The following ETNPPL variants were observed in gnomAD, a reference collection of about 807,000 sequenced individuals.
ETNPPL encodes the protein alanine--glyoxylate aminotransferase 2-like 1.
In ETNPPL, 30 loss-of-function variants were observed where a neutral mutation model predicts 55.5. That is an observed-to-expected ratio of 0.54 (90% CI 0.40 to 0.73). ETNPPL has a LOEUF of 0.73. ETNPPL is among the 30% of genes least tolerant of loss of function. ETNPPL has a pLI of 0.00. For missense variants in ETNPPL, 528 were observed against 607.9 expected (o/e 0.87, Z 1.38); for synonymous variants, 202 against 207.2 (o/e 0.98, Z 0.21).
chr4:108,747,167 TATATATATATATA>T (rs1728600526), intron 9 of ETNPPL, among the ~76,000 whole-genome samples: 1 of 12,606 alleles, frequency 7.9e-5, no homozygotes, highest in South Asian at 3.6e-3. Context: ...ATATATATTA[TATATATATATATA>T]ATATATATAT....
chr4:108,752,856 A>G, intron 6 of ETNPPL, 39 bp downstream of exon 6: 1 of 1,144,476 alleles, frequency 8.7e-7, no homozygotes, highest in Non-Finnish European at 1.3e-6. Flanking sequence ...TCCCTTTTAT[A>G]AAAGATGTTG....
chr4:108,752,082 TAAG>T (rs1294153019), intron 6 of ETNPPL, among the ~76,000 whole-genome samples: 5 of 151,848 alleles, frequency 3.3e-5, no homozygotes, highest in African/African-American at 7.3e-5. Flanking sequence ...ATGTTTCACA[TAAG>T]AAGATACGAA....
intron 5 of ETNPPL, among the ~76,000 whole-genome samples, chr4:108,754,395 C>G (rs1403814152): frequency 6.6e-6 from 1 of 152,144 alleles, no homozygotes; most frequent in Non-Finnish European, 1.5e-5. Flanking sequence ...TGAACAACTA[C>G]TAAACTAATT....
intron 6 of ETNPPL, 109 bp downstream of exon 6, chr4:108,752,786 C>G (rs990993275): frequency 7.3e-6 from 5 of 682,390 alleles, no homozygotes; most frequent in African/African-American, 1.8e-5. Flanking sequence ...TAGAGAAGAA[C>G]AGAAAGGGAC....
intron 12 of ETNPPL, 35 bp from the exon 13 acceptor site, chr4:108,742,647 C>T: frequency 6.2e-7 from 1 of 1,612,512 alleles, no homozygotes; most frequent in Non-Finnish European, 8.5e-7. Context: ...CAGTGGGCAT[C>T]CACCTCTAAT....
chr4:108,759,397 T>C (rs1443086958), intron 3 of ETNPPL, among the ~76,000 whole-genome samples: 1 of 83,028 alleles, frequency 1.2e-5, no homozygotes, highest in East Asian at 5.4e-4. Context: ...CAAGGCTCCA[T>C]CTCAAAAAAA....
At chr4:108,752,106 G>A (rs1195080697) in intron 6 of ETNPPL, among the ~76,000 whole-genome samples, 1 of 152,054 alleles carries the variant, frequency 6.6e-6, no homozygotes, top group Non-Finnish European at 1.5e-5. Context: ...AAACAAATGG[G>A]TTGGGGAAAA....
At chr4:108,746,961 T>C (rs2125671473) in intron 9 of ETNPPL, 110 bp from the exon 10 acceptor site, 1 of 669,014 alleles carries the variant, frequency 1.5e-6, no homozygotes, top group Non-Finnish European at 2.6e-6. Flanking sequence ...TAATTCTAAC[T>C]AAATCAAGAT....
Position 108,752,924 on chromosome 4 carries a change from T to C in ETNPPL, c.589A>G (p.Ile197Val). 6.2e-7 allele frequency: 1 copy of C among 1,609,232 alleles called. No individual in the cohort carries two copies. Among genetic ancestry groups the C allele is most frequent in the Non-Finnish European group, 8.5e-7 (1 of 1,176,110 alleles). Residue 197 changes from isoleucine to valine, a missense_variant, in exon 6 of 13, where the codon ATT (isoleucine) becomes GTT (valine). Coordinates refer to ENST00000296486, the MANE Select transcript of ETNPPL (RefSeq NM_031279.4). Reference protein sequence around the residue: ...SAYADEVKKIIEDAHNSGRKI... With the variant: ...SAYADEVKKIVEDAHNSGRKI... ...CTTCCACTGTTATGAGCATCTTCAA[T>C]GATTTTCTTCACTTCATCTGCATAA...
Position 108,749,417 on chromosome 4 carries a change from C to T in ETNPPL, c.748G>A (p.Val250Met), listed in dbSNP as rs1463339710. ...TGTTTCCCAACTCTGCCAAAGCCCACTTGAACTTCATCAGCTATAAACACA... is the reference window on the plus strand; with the variant it reads ...TGTTTCCCAACTCTGCCAAAGCCCATTTGAACTTCATCAGCTATAAACACA... Reference protein sequence around the residue: ...GGVFIADEVQVGFGRVGKHFW... With the variant: ...GGVFIADEVQMGFGRVGKHFW... Residue 250 changes from valine (V) to methionine (M), a missense_variant, in exon 8 of 13, where the codon GTG (valine) becomes ATG (methionine). Coordinates refer to ENST00000296486, the MANE Select transcript of ETNPPL (RefSeq NM_031279.4). 1.2e-6 allele frequency: 2 copies of T among 1,614,122 alleles called. No homozygotes were observed. Among genetic ancestry groups the T allele is most frequent in the African/African-American group, 1.3e-5 (1 of 75,022 alleles).
chr4:108,758,531 C>T (rs1354798150), intron 3 of ETNPPL, among the ~76,000 whole-genome samples: 1 of 152,132 alleles, frequency 6.6e-6, no homozygotes, highest in Non-Finnish European at 1.5e-5. Flanking sequence ...GGGCAGATTG[C>T]TTGAGTTCAG....
chr4:108,744,603 C>A (rs1183986778), intron 11 of ETNPPL, among the ~76,000 whole-genome samples: 3 of 151,974 alleles, frequency 2.0e-5, no homozygotes, highest in Non-Finnish European at 4.4e-5. Flanking sequence ...TATGTGGACT[C>A]TCAAGTTTCC....
chr4:108,750,545 C>A (rs1018190253), intron 7 of ETNPPL, among the ~76,000 whole-genome samples: 1 of 139,874 alleles, frequency 7.1e-6, no homozygotes. Context: ...GATATATATA[C>A]GATATATATG....
At chr4:108,743,742 C>T in intron 12 of ETNPPL, 47 bp downstream of exon 12, 2 of 1,338,588 alleles carry the variant, frequency 1.5e-6, no homozygotes, top group Non-Finnish European at 2.1e-6. Flanking sequence ...TTAAACATTC[C>T]CCAAATTTTA....
chr4:108,745,668 C>T (rs541662472), intron 11 of ETNPPL, among the ~76,000 whole-genome samples: 9 of 152,040 alleles, frequency 5.9e-5, no homozygotes, highest in African/African-American at 1.9e-4. Context: ...CGGTGACTTA[C>T]GTCTATAATC....
intron 7 of ETNPPL, among the ~76,000 whole-genome samples, chr4:108,750,524 G>GTATGATATGTGATATATATACGATATA (rs1728848238): frequency 7.2e-6 from 1 of 139,052 alleles, no homozygotes; most frequent in African/African-American, 2.6e-5. Flanking sequence ...GTGTGTGTGT[G>GTATGATATGTGATATATATACGATATA]TATGATATGT....
At chr4:108,756,527 A>C in intron 3 of ETNPPL, 35 bp from the exon 4 acceptor site, 1 of 1,503,112 alleles carries the variant, frequency 6.7e-7, no homozygotes, top group Non-Finnish European at 9.3e-7. Context: ...GGACACTGTG[A>C]CAGTCTCTTT....
intron 3 of ETNPPL, among the ~76,000 whole-genome samples, chr4:108,759,346 A>G (rs1317004266): frequency 7.3e-6 from 1 of 137,028 alleles, no homozygotes; most frequent in East Asian, 2.3e-4. Context: ...GCTTGCAGTG[A>G]CCTGAGATCA....
At chr4:108,755,408 GAATAAGTTCCC>G (rs111440609) in intron 4 of ETNPPL, among the ~76,000 whole-genome samples, 13,021 of 152,188 alleles carry the variant, frequency 0.086, 1,039 homozygotes, top group East Asian at 0.48. Flanking sequence ...AAGAATTTAT[GAATAAGTTCCC>G]AAAAGCAATT....
Sources: allele counts gnomAD v4.1 joint callset (sites outside exome capture counted in the v4.1 genomes callset), GRCh38; gene constraint gnomAD v4.1.1; transcripts MANE v1.5; gene names NCBI Gene and HGNC (gene_info 2026-07-23, HGNC 2026-07-21).